Variants in COL6A5 observed in about 807,000 individuals in gnomAD.
COL6A5 encodes the protein collagen alpha-5(VI) chain.
In COL6A5, 48 loss-of-function variants were observed where a neutral mutation model predicts 65.6. The ratio of observed to expected loss-of-function variants is 0.73; its 90% CI spans 0.58 to 0.93. COL6A5 has a LOEUF of 0.93. Among genes scored for constraint, COL6A5 ranks in the 40% least tolerant of loss-of-function variants. The pLI is 0.00. For synonymous variants in COL6A5, 291 were observed against 322.8 expected (o/e 0.90, Z 1.05); for missense variants, 914 against 928.3 (o/e 0.98, Z 0.20).
chr3:130,403,792 G>T (rs542999276), intron 13 of COL6A5, 130 bp downstream of exon 13: 211 of 558,000 alleles, frequency 3.8e-4, no homozygotes, highest in African/African-American at 3.2e-3. Context: ...GGTAGATGGG[G>T]TTTTGTTTAT....
intron 12 of COL6A5, among the ~76,000 whole-genome samples, chr3:130,403,219 G>C (rs1936872368): frequency 6.6e-6 from 1 of 152,172 alleles, no homozygotes. Flanking sequence ...TCTTCCTTGA[G>C]CTCTCAAAAT....
At chr3:130,401,582 G>A (rs907901205) in intron 11 of COL6A5, among the ~76,000 whole-genome samples, 180 bp from the exon 12 acceptor site, 3 of 152,228 alleles carry the variant, frequency 2.0e-5, no homozygotes, top group East Asian at 3.8e-4. Context: ...TGCCAATGCA[G>A]TGCCTGGTAC....
exon 3 of COL6A5, chr3:130,376,590 C>T (rs1577443537): frequency 6.2e-7 from 1 of 1,607,350 alleles, no homozygotes; most frequent in Non-Finnish European, 8.5e-7. Context: ...TTTGGTGGTC[C>T]TGGCTTCGGC....
intron 1 of COL6A5, among the ~76,000 whole-genome samples, chr3:130,347,715 G>A (rs905670235): frequency 2.6e-5 from 4 of 152,092 alleles, no homozygotes; most frequent in African/African-American, 4.8e-5. Context: ...TTTCAACCCC[G>A]GAGCATATAC....
chr3:130,356,556 G>A (rs1157407827), intron 1 of COL6A5, among the ~76,000 whole-genome samples: 1 of 149,830 alleles, frequency 6.7e-6, no homozygotes, highest in Non-Finnish European at 1.5e-5. Flanking sequence ...CTTTTGCACC[G>A]ACCTAATATA....
chr3:130,425,682 C>T (rs1937589334), intron 29 of COL6A5, among the ~76,000 whole-genome samples: 1 of 152,114 alleles, frequency 6.6e-6, no homozygotes, highest in African/African-American at 2.4e-5. Flanking sequence ...TTTAGTTACA[C>T]TTCTGTAACT....
chr3:130,358,229 G>A (rs1318927914), intron 1 of COL6A5, among the ~76,000 whole-genome samples: 2 of 151,888 alleles, frequency 1.3e-5, no homozygotes, highest in South Asian at 4.2e-4. Context: ...CATTAAGTTA[G>A]GAACATTATC....
intron 5 of COL6A5, among the ~76,000 whole-genome samples, chr3:130,466,920 C>A (rs913412139): frequency 1.5e-4 from 23 of 151,850 alleles, no homozygotes; most frequent in African/African-American, 5.3e-4. Context: ...ACCTAAGTAG[C>A]CTTATACCTA....
At chr3:130,401,703 C>A in intron 11 of COL6A5, 59 bp from the exon 12 acceptor site, 4 of 1,274,620 alleles carry the variant, frequency 3.1e-6, no homozygotes, top group Non-Finnish European at 3.3e-6. Context: ...GAGTACAATT[C>A]TTATGGAATA....
chr3:130,454,489 T>C (rs1709519378), intron 4 of COL6A5, among the ~76,000 whole-genome samples: 1 of 152,198 alleles, frequency 6.6e-6, no homozygotes, highest in Non-Finnish European at 1.5e-5. Context: ...CTCTCAACAG[T>C]TAAAATCATA....
At chr3:130,471,601 A>T in intron 7 of COL6A5, 81 bp from the exon 40 acceptor site, 1 of 1,281,772 alleles carries the variant, frequency 7.8e-7, no homozygotes, top group Non-Finnish European at 1.1e-6. Context: ...GATTCCTCTT[A>T]TATTATCTGG....
At chr3:130,370,842 G>T (rs1577437065) in intron 1 of COL6A5, among the ~76,000 whole-genome samples, 1 of 152,206 alleles carries the variant, frequency 6.6e-6, no homozygotes, top group East Asian at 1.9e-4. Flanking sequence ...CTACTATTTT[G>T]GAGCCAAGAC....
At chr3:130,481,140 A>G (rs2971564) in intron 7 of COL6A5, among the ~76,000 whole-genome samples, 95,983 of 150,830 alleles carry the variant, frequency 0.64, 33,500 homozygotes, top group Non-Finnish European at 0.79. Flanking sequence ...GTGGTTTGCC[A>G]CACCCATCAA....
rs1709413786 is a variant in COL6A5, at chr3:130,450,793, A to T, written c.1333-4662A>T. Among the ~76,000 whole-genome samples the T allele has an allele frequency of 2.0e-5, 3 of 152,132 alleles. No homozygotes were observed. The South Asian group carries it at 6.2e-4, about 31-fold the overall frequency. On this transcript the variant is annotated intron_variant, in intron 4 of 7. Coordinates refer to ENST00000512836, the Ensembl canonical transcript of COL6A5. ...GAGCTTGGTCTGTAGCGCGTAATTTATCCCAAGCTCTCATACACACCTTTG... is the reference window on the plus strand; with the variant it reads ...GAGCTTGGTCTGTAGCGCGTAATTTTTCCCAAGCTCTCATACACACCTTTG...
chr3:130,392,194 G>A (rs1936427970), intron 7 of COL6A5, among the ~76,000 whole-genome samples: 1 of 152,080 alleles, frequency 6.6e-6, no homozygotes, highest in African/African-American at 2.4e-5. Context: ...AAAGATCCAG[G>A]GCCCTCTAAA....
chr3:130,409,587 C>T (rs2173187), intron 18 of COL6A5, among the ~76,000 whole-genome samples, 199 bp downstream of exon 18: 134,833 of 152,198 alleles, frequency 0.89, 60,009 homozygotes, highest in Non-Finnish European at 0.93. Context: ...CCTTATGGTA[C>T]GCTGAGACTT....
intron 1 of COL6A5, among the ~76,000 whole-genome samples, chr3:130,361,176 C>T (rs1935092266): frequency 6.6e-6 from 1 of 152,016 alleles, no homozygotes; most frequent in Non-Finnish European, 1.5e-5. Flanking sequence ...TGTATAATGA[C>T]ATGTATCCAT....
At chr3:130,395,017 A>C in exon 8 of COL6A5, 1 of 1,551,562 alleles carries the variant, frequency 6.4e-7, no homozygotes, top group Non-Finnish European at 8.7e-7. Context: ...TTCAGTCTCA[A>C]AGAATGAAAA....
At chr3:130,420,078 A>C (rs189737294) in intron 25 of COL6A5, among the ~76,000 whole-genome samples, 6 of 152,132 alleles carry the variant, frequency 3.9e-5, no homozygotes, top group Admixed American at 1.3e-4. Flanking sequence ...ATGGTCCAGC[A>C]AGTCTTAAAA....
Sources: allele counts gnomAD v4.1 joint callset (sites outside exome capture counted in the v4.1 genomes callset), GRCh38; gene constraint gnomAD v4.1.1; transcripts MANE v1.5; gene names NCBI Gene and HGNC (gene_info 2026-07-23, HGNC 2026-07-21).